Variants in PDZD2 observed in about 807,000 individuals in gnomAD.
PDZD2 encodes the protein PDZ domain-containing protein 2.
PDZD2 carries 90 observed loss-of-function variants against 220.7 expected under a neutral mutation model. The ratio of observed to expected loss-of-function variants is 0.41; its 90% CI spans 0.34 to 0.49. The LOEUF is 0.49. PDZD2 is among the 20% of genes least tolerant of loss of function. PDZD2 has a pLI of 0.28. For synonymous variants in PDZD2, 1,375 were observed against 1,450.5 expected, an observed-to-expected ratio of 0.95 and a Z score of 1.18; for missense variants, 3,174 against 3,608.5, an observed-to-expected ratio of 0.88 and a Z score of 3.08.
In PDZD2 at chr5:32,087,801, T is replaced by C; in HGVS notation, c.4353T>C (p.Ser1451=). The part of the protein sequence containing the change: ...SPSSQTGDSG[S]QEGSAQGHPP... ...CTTCCCAGACGGGGGACAGTGGCTC[T>C]CAGGAGGGCAGTGCTCAGGGCCACC... Residue 1451 remains serine (S), a synonymous_variant, in exon 20 of 25, where the codon TCT becomes TCC. Transcript: ENST00000438447. The surrounding 1 kb of genome is among the most constrained non-coding windows in gnomAD (Gnocchi z 4.0). 1 of 1,613,428 alleles carries C rather than the reference T, an allele frequency of 6.2e-7. No homozygotes were observed. Among genetic ancestry groups the C allele is most frequent in the Non-Finnish European group, 8.5e-7 (1 of 1,179,870 alleles).
chr5:32,086,761 C>T (rs1180404725), intron 19 of PDZD2, among the ~76,000 whole-genome samples: 1 of 151,988 alleles, frequency 6.6e-6, no homozygotes, highest in Non-Finnish European at 1.5e-5. Flanking sequence ...ACTGCAACCT[C>T]CACCTCCCAG....
At chr5:31,754,240 G>A (rs1055578404) in intron 1 of PDZD2, 2 of 152,262 alleles carry the variant, frequency 1.3e-5, no homozygotes, top group Non-Finnish European at 2.9e-5. Flanking sequence ...TTCAGGAGGG[G>A]ACAGCTGAGG....
In PDZD2 at chr5:32,059,228, G is replaced by A. The variant is rs916546444; in HGVS notation, c.2201-11G>A. 5.4e-6 allele frequency: 8 copies of A among 1,470,192 alleles called. No homozygotes were observed. Among genetic ancestry groups the A allele is most frequent in the Admixed American group, 5.4e-5 (3 of 55,208 alleles). The allele number at this position is 1,470,192 out of a possible 1,614,324, so 91.1% of individuals were successfully genotyped here. A position where few individuals can be genotyped will look rare whatever the true frequency, so the allele number is the denominator to read the frequency against. ...TTTGTTTTTATTTTCTTTGAATGGT[G>A]CCTCTCACAGAGCCAAGAGTTGGAT... On this transcript the variant is annotated splice_polypyrimidine_tract_variant and intron_variant, in intron 12 of 24. Coordinates refer to ENST00000438447, the MANE Select transcript of PDZD2 (RefSeq NM_178140.4).
chr5:31,688,743 C>T (rs1471661591), intron 1 of PDZD2, among the ~76,000 whole-genome samples: 1 of 152,200 alleles, frequency 6.6e-6, no homozygotes, highest in Non-Finnish European at 1.5e-5. Flanking sequence ...TTCCTTTTCT[C>T]CTCAATGAAG....
chr5:32,067,377 TC>T (rs1174245686), intron 14 of PDZD2, among the ~76,000 whole-genome samples: 1 of 152,190 alleles, frequency 6.6e-6, no homozygotes, highest in Non-Finnish European at 1.5e-5. Context: ...CAGCAACCAC[TC>T]TTTAAGCTGA....
intron 6 of PDZD2, among the ~76,000 whole-genome samples, chr5:32,019,761 T>C (rs73751766): frequency 0.043 from 6,606 of 152,220 alleles, 469 homozygotes; most frequent in African/African-American, 0.15. Context: ...TCAATGAAAA[T>C]AAAATATGAA....
chr5:31,799,538 G>A lies in PDZD2; in HGVS notation c.290G>A (p.Gly97Asp). The change falls in exon 2 of 25, where the codon GGT (glycine) becomes GAT (aspartate). Residue 97 changes from glycine (G) to aspartate (D), a missense_variant. Physicochemically the swap from Gly to Asp is moderately conservative, Grantham distance 94. Coordinates refer to ENST00000438447, the MANE Select transcript of PDZD2 (RefSeq NM_178140.4). ...FGNIPVFGDY[G>D]EKRRGGKKRK... ...AACATCCCTGTTTTCGGGGACTATG[G>A]TGAAAAGCGCAGGGGGGGCAAGAAG... is the stretch of plus-strand genomic sequence containing the variant. 1 of 1,614,176 alleles carries A rather than the reference G, an allele frequency of 6.2e-7. No individual in the cohort carries two copies. The highest frequency in any genetic ancestry group is 1.1e-5 in the South Asian group (1 of 91,078).
intron 1 of PDZD2, among the ~76,000 whole-genome samples, chr5:31,780,105 G>A (rs926925354): frequency 6.6e-6 from 1 of 152,076 alleles, no homozygotes; most frequent in African/African-American, 2.4e-5. Flanking sequence ...TGACTTAATG[G>A]GTTTATGGAA....
chr5:32,037,673 A>C (rs1006922718), intron 7 of PDZD2, among the ~76,000 whole-genome samples: 1 of 152,176 alleles, frequency 6.6e-6, no homozygotes, highest in African/African-American at 2.4e-5. Context: ...TCTGCATTTC[A>C]ATAAGCAGGA....
At position 32,057,871 on chromosome 5, in the gene PDZD2, T is replaced by A; in HGVS notation, c.1975-7T>A. 1 of 1,606,670 alleles carries A rather than the reference T, an allele frequency of 6.2e-7. No homozygotes were observed. Among genetic ancestry groups the A allele is most frequent in the East Asian group, 2.2e-5 (1 of 44,840 alleles). On this transcript the variant is annotated splice_polypyrimidine_tract_variant and splice_region_variant and intron_variant, in intron 11 of 24. Coordinates refer to ENST00000438447, the MANE Select transcript of PDZD2 (RefSeq NM_178140.4). ...TTTCAGCCCACCTTTCCTCACTGTT[T>A]TCTCAGCAAATCCGGAGTGGATTAT...
At chr5:31,740,088 T>G (rs547938140) in intron 1 of PDZD2, among the ~76,000 whole-genome samples, 1 of 152,338 alleles carries the variant, frequency 6.6e-6, no homozygotes, top group African/African-American at 2.4e-5. Context: ...CTGGACCACT[T>G]CCACCTCTCG....
chr5:31,991,294 C>T (rs1751189468), intron 3 of PDZD2, among the ~76,000 whole-genome samples: 1 of 151,928 alleles, frequency 6.6e-6, no homozygotes, highest in African/African-American at 2.4e-5. Flanking sequence ...TTGTGGTCAC[C>T]CAAGCTAAAG....
chr5:31,718,633 T>C (rs1748596214), intron 1 of PDZD2, among the ~76,000 whole-genome samples: 1 of 151,766 alleles, frequency 6.6e-6, no homozygotes, highest in Non-Finnish European at 1.5e-5. Flanking sequence ...CTCTGTGTCC[T>C]AATCTCCTCT....
chr5:31,964,494 GTTGT>G (rs1748536640), intron 2 of PDZD2, among the ~76,000 whole-genome samples: 1 of 152,054 alleles, frequency 6.6e-6, no homozygotes, highest in African/African-American at 2.4e-5. Flanking sequence ...GCCTTTTTTT[GTTGT>G]TTTTTTCCCA....
At chr5:32,025,966 G>A (rs1754629163) in intron 6 of PDZD2, among the ~76,000 whole-genome samples, 1 of 152,008 alleles carries the variant, frequency 6.6e-6, no homozygotes, top group South Asian at 2.1e-4. Flanking sequence ...ATCTTTTTCT[G>A]TTACAATAAT....
At chr5:31,792,097 A>G (rs1318349798) in intron 1 of PDZD2, among the ~76,000 whole-genome samples, 2 of 152,336 alleles carry the variant, frequency 1.3e-5, no homozygotes, top group South Asian at 2.1e-4. Flanking sequence ...ATTTTAGTTT[A>G]ATTCATTGCC....
intron 1 of PDZD2, among the ~76,000 whole-genome samples, chr5:31,791,747 T>C (rs1248666373): frequency 6.6e-6 from 1 of 152,196 alleles, no homozygotes; most frequent in African/African-American, 2.4e-5. Context: ...TACTTCACAT[T>C]GAACAGCTAG....
chr5:31,921,819 T>C (rs1744285070), intron 2 of PDZD2, among the ~76,000 whole-genome samples: 1 of 152,200 alleles, frequency 6.6e-6, no homozygotes, highest in South Asian at 2.1e-4. Flanking sequence ...ATTTAAGCTT[T>C]AGTTGGTCAG....
rs1309580057 is a variant in PDZD2 at position 32,108,649 on chromosome 5, T to C, written c.*514T>C. 1 of 152,696 alleles carries C rather than the reference T, an allele frequency of 6.5e-6. No individual in the cohort carries two copies. Among genetic ancestry groups the C allele is most frequent in the African/African-American group, 2.4e-5 (1 of 41,456 alleles). The allele number at this position is 152,696 out of a possible 1,614,324, so 9.5% of individuals were successfully genotyped here. On this transcript the variant is annotated 3_prime_UTR_variant, in exon 25 of 25. Coordinates refer to ENST00000438447, the MANE Select transcript of PDZD2 (RefSeq NM_178140.4). ...GGAGGAGATGTAGGTCTGTATATGTTACCCTGAAAAGAGAATAAGACTTAC... is the reference window on the plus strand; with the variant it reads ...GGAGGAGATGTAGGTCTGTATATGTCACCCTGAAAAGAGAATAAGACTTAC...
Sources: allele counts gnomAD v4.1 joint callset (sites outside exome capture counted in the v4.1 genomes callset), GRCh38; gene constraint gnomAD v4.1.1; non-coding constraint Gnocchi (gnomAD v3.1); transcripts MANE v1.5; gene names NCBI Gene and HGNC (gene_info 2026-07-23, HGNC 2026-07-21).